Variants in BRWD3 observed in about 807,000 individuals in gnomAD.
BRWD3 encodes bromodomain and WD repeat domain containing 3.
Under a neutral mutation model 149.7 loss-of-function variants are expected in BRWD3, and 10 were observed. That is an observed-to-expected ratio of 0.07 (90% CI 0.04 to 0.11). The LOEUF (loss-of-function observed/expected upper bound fraction) is 0.11. BRWD3 is among the 10% of genes least tolerant of loss of function. The pLI is 1.00. For synonymous variants in BRWD3, 504 were observed against 456.7 expected, an observed-to-expected ratio of 1.10 and a Z score of -1.32; for missense variants, 940 against 1,373.2, an observed-to-expected ratio of 0.68 and a Z score of 4.99.
chrX:80,718,963 A>G (rs1175067220), intron 18 of BRWD3, among the ~76,000 whole-genome samples: 2 of 111,308 alleles, frequency 1.8e-5, no homozygotes, highest in Admixed American at 9.6e-5. Flanking sequence ...ATAATTAATT[A>G]TACAATAACT....
chrX:80,676,347 G>GTGTGTGTGTA lies in BRWD3; in HGVS notation c.*252_*261dup, dbSNP rs894916856. ...TGTTGTGTTTCGTGTGTGTGTGTCT[G>GTGTGTGTGTA]TGTGTGTGTATGTGTGTGTATGTGT... On this transcript the variant is annotated 3_prime_UTR_variant, in exon 41 of 41. Transcript: ENST00000373275. 28 of 364,178 alleles carry GTGTGTGTGTA rather than the reference G, an allele frequency of 7.7e-5. 1 individual carries two copies. The highest frequency in any genetic ancestry group is 6.0e-4 in the African/African-American group (23 of 38,600). The allele number at this position is 364,178 out of a possible 1,213,427, so 30.0% of individuals were successfully genotyped here.
chrX:80,714,400 C>T (rs1411110916), intron 20 of BRWD3, among the ~76,000 whole-genome samples: 1 of 108,791 alleles, frequency 9.2e-6, no homozygotes, highest in African/African-American at 3.4e-5. Context: ...CCTGGCTACC[C>T]AAACCCTTAT....
intron 4 of BRWD3, among the ~76,000 whole-genome samples, chrX:80,800,066 T>C (rs1342707237): frequency 9.1e-6 from 1 of 109,968 alleles, no homozygotes; most frequent in Non-Finnish European, 1.9e-5. Context: ...AGCAAAGAAG[T>C]AAGGTACACC....
rs911857746 is a variant in BRWD3 at position 80,681,950 on chromosome X, AGAAT to A, written c.4495+43_4495+46del. 1.2e-5 allele frequency: 12 copies of A among 1,008,697 alleles called. No homozygotes were observed. In the Admixed American group the frequency reaches 2.4e-4, roughly 20 times the overall value. 83.1% of individuals were successfully genotyped at this position (1,008,697 alleles called of 1,213,427 possible). A position where few individuals can be genotyped will look rare whatever the true frequency, so the allele number is the denominator to read the frequency against. ...CTGCCTCTTCTATATCCTTAATATC[AGAAT>A]TAAACCGAGATGCAGAACACCAAAA... is the stretch of plus-strand genomic sequence containing the variant. On this transcript the variant is annotated intron_variant, in intron 39 of 40. Coordinates refer to ENST00000373275, the MANE Select transcript of BRWD3 (RefSeq NM_153252.5).
chrX:80,694,226 G>A (rs1227047385), intron 27 of BRWD3, among the ~76,000 whole-genome samples: 1 of 112,040 alleles, frequency 8.9e-6, no homozygotes, highest in East Asian at 2.8e-4. Flanking sequence ...GCCTACAGAT[G>A]CATAGAAGTC....
intron 4 of BRWD3, among the ~76,000 whole-genome samples, chrX:80,799,397 T>A (rs1427317519): frequency 8.9e-6 from 1 of 112,200 alleles, no homozygotes; most frequent in Non-Finnish European, 1.9e-5. Context: ...ATCAGACAAG[T>A]AACTCTAAAA....
intron 25 of BRWD3, 132 bp downstream of exon 25, chrX:80,699,825 T>G (rs937282038): frequency 2.0e-6 from 1 of 509,459 alleles, no homozygotes. Flanking sequence ...TACAAGAGTA[T>G]AGATCATCAT....
chrX:80,704,864 T>G lies in BRWD3; in HGVS notation c.2553-18A>C. ...ATGAGTCACTGTAAATAAATCAAAA[T>G]TATGGATACCTAAGTATAGAAAAGG... On this transcript the variant is annotated intron_variant, in intron 22 of 40. Transcript: ENST00000373275. 1.7e-6 allele frequency: 2 copies of G among 1,175,834 alleles called. No individual in the cohort carries two copies. Among genetic ancestry groups the G allele is most frequent in the Non-Finnish European group, 2.3e-6 (2 of 863,455 alleles).
At position 80,809,096 on chromosome X, in the gene BRWD3, C is replaced by T. The variant is rs755233346; in HGVS notation, c.91-54G>A. On this transcript the variant is annotated intron_variant, in intron 2 of 40. Coordinates refer to ENST00000373275, the MANE Select transcript of BRWD3 (RefSeq NM_153252.5). ...GAGCAGCTCGGGCCATCAACCCATT[C>T]CTCCCTCCACACTTAAAGCCCAGCC... The T allele has an allele frequency of 8.6e-6, 10 of 1,161,322 alleles. No homozygotes were observed. The South Asian group carries it at 1.1e-4, about 13-fold the overall frequency.
chrX:80,749,858 T>C (rs1426963902), intron 6 of BRWD3, among the ~76,000 whole-genome samples: 2 of 111,763 alleles, frequency 1.8e-5, no homozygotes, highest in Admixed American at 9.6e-5. Flanking sequence ...AAAGCTTATT[T>C]AATAGAAACA....
chrX:80,703,432 AG>A, intron 24 of BRWD3, 47 bp downstream of exon 24: 1 of 795,474 alleles, frequency 1.3e-6, no homozygotes, highest in Non-Finnish European at 1.9e-6. Flanking sequence ...GATTAAAGTT[AG>A]TGCTCTTGAG....
intron 20 of BRWD3, among the ~76,000 whole-genome samples, chrX:80,715,022 A>G: frequency 8.9e-6 from 1 of 111,904 alleles, no homozygotes; most frequent in Admixed American, 9.5e-5. Context: ...CTAAGCTGCA[A>G]TCCTAGAATG....
rs1252952022 is a variant in BRWD3 at position 80,749,998 on chromosome X, A to G, written c.431-4269T>C. Among the ~76,000 whole-genome samples, 7 of 112,079 alleles carry G rather than the reference A, an allele frequency of 6.2e-5. No individual in the cohort carries two copies. The Admixed American group carries it at 6.7e-4, about 11-fold the overall frequency. ...CAAGAACACACAATGGGGAAAGGAC[A>G]GTTTCTTCAATAAGTGGTGCTGGGA... is the stretch of plus-strand genomic sequence containing the variant. On this transcript the variant is annotated intron_variant, in intron 6 of 40. Transcript: ENST00000373275.
Position 80,692,069 on chromosome X carries a change from T to C in BRWD3, c.3325+20A>G, listed in dbSNP as rs765485209. ...TTACTTTTAAAAGAATTATAATTCA[T>C]TTTTTAAAAGCATATTTACTTCCTT... On this transcript the variant is annotated intron_variant, in intron 29 of 40. Transcript: ENST00000373275. 9 of 1,198,595 alleles carry C rather than the reference T, an allele frequency of 7.5e-6. No homozygotes were observed. The highest frequency in any genetic ancestry group is 9.0e-6 in the Non-Finnish European group (8 of 884,867).
intron 12 of BRWD3, chrX:80,733,202 G>A (rs180957893): frequency 2.9e-5 from 8 of 273,572 alleles, no homozygotes; most frequent in African/African-American, 1.4e-4. Flanking sequence ...CTTGACTGAC[G>A]TGGGTGCTAA....
chrX:80,691,642 T>A (rs1248346949), intron 30 of BRWD3, among the ~76,000 whole-genome samples, 181 bp downstream of exon 30: 3 of 112,003 alleles, frequency 2.7e-5, no homozygotes, highest in African/African-American at 9.7e-5. Context: ...CAAAAAATTA[T>A]CAGTTATTAC....
At chrX:80,794,671 T>C (rs1425953837) in intron 4 of BRWD3, among the ~76,000 whole-genome samples, 1 of 110,241 alleles carries the variant, frequency 9.1e-6, no homozygotes, top group African/African-American at 3.3e-5. Context: ...ATCAGCACAT[T>C]TAAATGATAT....
intron 40 of BRWD3, among the ~76,000 whole-genome samples, chrX:80,679,379 A>G (rs1472479194): frequency 8.9e-6 from 1 of 112,643 alleles, no homozygotes; most frequent in Non-Finnish European, 1.9e-5. Flanking sequence ...TAACTAAAAT[A>G]GTGAGCACAG....
chrX:80,733,342 A>T, intron 12 of BRWD3, 114 bp downstream of exon 12: 1 of 562,466 alleles, frequency 1.8e-6, no homozygotes, highest in Non-Finnish European at 2.9e-6. Context: ...AAGGGCTTTG[A>T]ACCTAAATAA....
Sources: allele counts gnomAD v4.1 joint callset (sites outside exome capture counted in the v4.1 genomes callset), GRCh38; gene constraint gnomAD v4.1.1; transcripts MANE v1.5; gene names NCBI Gene and HGNC (gene_info 2026-07-23, HGNC 2026-07-21).